CORO2B: variants seen among roughly 807,000 people sequenced by gnomAD.
CORO2B encodes coronin-2B.
CORO2B carries 26 observed loss-of-function variants against 58.8 expected under a neutral mutation model. That is an observed-to-expected ratio of 0.44 (90% CI 0.32 to 0.61). CORO2B has a LOEUF of 0.61. CORO2B is among the 20% of genes least tolerant of loss of function. CORO2B has a pLI of 0.04. For synonymous variants in CORO2B, 242 were observed against 253.8 expected (o/e 0.95, Z 0.44); for missense variants, 460 against 645.1 (o/e 0.71, Z 3.11).
At chr15:68,563,939 GA>G in the CORO2B span, among the ~76,000 whole-genome samples, 1 of 152,282 alleles carries the variant, frequency 6.6e-6, no homozygotes, top group African/African-American at 2.4e-5. Context: ...AACATTTAAA[GA>G]AGAATCAAAA....
chr15:68,645,921 G>T lies in CORO2B; in HGVS notation c.216+561G>T, dbSNP rs28378879. Among the ~76,000 whole-genome samples the T allele has an allele frequency of 1.3e-5, 2 of 151,848 alleles. No homozygotes were observed. The highest frequency in any genetic ancestry group is 6.6e-5 in the Admixed American group (1 of 15,256). On this transcript the variant is annotated intron_variant, in intron 2 of 11. Transcript: ENST00000261861. The surrounding 1 kb of genome is among the most constrained non-coding windows in gnomAD (Gnocchi z 4.5). Reference sequence around the variant, plus strand: ...CCCGAGAAGCTGGGATTGCAGGCACGTGCCACCACGCCCAGCTAATTTTTG... The same window carrying T: ...CCCGAGAAGCTGGGATTGCAGGCACTTGCCACCACGCCCAGCTAATTTTTG...
chr15:68,535,227 A>G, the CORO2B span, among the ~76,000 whole-genome samples: 1 of 152,208 alleles, frequency 6.6e-6, no homozygotes, highest in Non-Finnish European at 1.5e-5. Flanking sequence ...CCAAAGGTAG[A>G]GGCCTAATAA....
intron 2 of CORO2B, among the ~76,000 whole-genome samples, chr15:68,664,374 A>G (rs8039274): frequency 0.96 from 146,269 of 152,246 alleles, 70,524 homozygotes; most frequent in East Asian, 1. Flanking sequence ...TTGGCGGGGC[A>G]TGGTGGCTCA....
At chr15:68,664,663 C>A (rs1440975784) in intron 2 of CORO2B, among the ~76,000 whole-genome samples, 1 of 151,888 alleles carries the variant, frequency 6.6e-6, no homozygotes, top group Non-Finnish European at 1.5e-5. Flanking sequence ...AAACCAAAAA[C>A]CAAAAAACAA....
chr15:68,689,832 G>A (rs1892315396), intron 2 of CORO2B, among the ~76,000 whole-genome samples: 1 of 152,232 alleles, frequency 6.6e-6, no homozygotes, highest in Admixed American at 6.5e-5. Context: ...AATGTGCAGA[G>A]GTCAGAAGGT....
intron 1 of CORO2B, among the ~76,000 whole-genome samples, chr15:68,613,700 A>T (rs1435029729): frequency 2.6e-5 from 4 of 152,238 alleles, no homozygotes; most frequent in Admixed American, 2.6e-4. Context: ...AAATTAGCAC[A>T]TCGCTAAGAG....
chr15:68,521,048 CA>C, the CORO2B span, among the ~76,000 whole-genome samples: 55 of 141,600 alleles, frequency 3.9e-4, no homozygotes, highest in Admixed American at 4.9e-4. Context: ...GGCTCCATCT[CA>C]AAAAAAAAAA....
intron 2 of CORO2B, among the ~76,000 whole-genome samples, chr15:68,680,165 C>T (rs368031454): frequency 5.9e-5 from 9 of 152,208 alleles, no homozygotes; most frequent in African/African-American, 1.9e-4. Context: ...CCATGTGACT[C>T]ACTCCCACTT....
chr15:68,706,754 C>T (rs1419383616), intron 3 of CORO2B, among the ~76,000 whole-genome samples: 1 of 152,018 alleles, frequency 6.6e-6, no homozygotes, highest in Non-Finnish European at 1.5e-5. Context: ...CTGTCACCCA[C>T]ACTAAAGTGT....
the CORO2B span, among the ~76,000 whole-genome samples, chr15:68,572,243 AG>A: frequency 1.3e-5 from 2 of 152,228 alleles, no homozygotes; most frequent in Non-Finnish European, 2.9e-5. Context: ...GAGTGCAGGA[AG>A]TCCAGGATGG....
chr15:68,605,146 G>T (rs990314996), intron 1 of CORO2B, among the ~76,000 whole-genome samples: 4 of 151,076 alleles, frequency 2.6e-5, no homozygotes, highest in African/African-American at 7.3e-5. Context: ...GTTTTGAAAA[G>T]AAAAACTTCA....
chr15:68,560,950 T>G, the CORO2B span, among the ~76,000 whole-genome samples: 1 of 152,064 alleles, frequency 6.6e-6, no homozygotes, highest in Admixed American at 6.5e-5. Flanking sequence ...ACAGCCCGGG[T>G]AATTTTCCCT....
rs1307923003 is a variant in CORO2B, at chr15:68,715,406, CT to C, written c.967+96del. ...CCCCTCCCTTAAGTGGAAAATCAGA[CT>C]CAGAAGGCCATAGCACATGGGCAAG... On this transcript the variant is annotated intron_variant, in intron 8 of 11. Transcript: ENST00000261861. 3 of 867,252 alleles carry C rather than the reference CT, an allele frequency of 3.5e-6. No individual in the cohort carries two copies. The African/African-American group carries it at 5.1e-5, about 15-fold the overall frequency. The allele number at this position is 867,252 out of a possible 1,614,324, so 53.7% of individuals were successfully genotyped here. A position where few individuals can be genotyped will look rare whatever the true frequency, so the allele number is the denominator to read the frequency against.
chr15:68,649,543 T>C (rs1212708368), intron 2 of CORO2B, among the ~76,000 whole-genome samples: 2 of 152,202 alleles, frequency 1.3e-5, no homozygotes, highest in Admixed American at 6.5e-5. Flanking sequence ...CAGCGTTCAG[T>C]CTCAGGATCA....
the CORO2B span, among the ~76,000 whole-genome samples, chr15:68,556,478 C>T: frequency 1.3e-5 from 2 of 152,186 alleles, no homozygotes; most frequent in Non-Finnish European, 2.9e-5. Flanking sequence ...AAGACTGCCA[C>T]ACTCGCAAGG....
chr15:68,524,942 A>G, the CORO2B span, among the ~76,000 whole-genome samples: 1 of 152,254 alleles, frequency 6.6e-6, no homozygotes, highest in East Asian at 1.9e-4. Context: ...TTAAAAAGGA[A>G]CAGAGAATAA....
chr15:68,595,988 C>T (rs1040515524), intron 1 of CORO2B, among the ~76,000 whole-genome samples: 1 of 151,002 alleles, frequency 6.6e-6, no homozygotes, highest in Non-Finnish European at 1.5e-5. Context: ...TCCCGAGCCA[C>T]GAGGGTGCCC....
intron 2 of CORO2B, among the ~76,000 whole-genome samples, chr15:68,651,776 A>G (rs1254775285): frequency 1.3e-5 from 2 of 152,130 alleles, no homozygotes; most frequent in Non-Finnish European, 1.5e-5. Flanking sequence ...AGGATCCCCA[A>G]ATCCCTGCCC....
chr15:68,550,041 G>C, the CORO2B span, among the ~76,000 whole-genome samples: 1 of 152,082 alleles, frequency 6.6e-6, no homozygotes, highest in Non-Finnish European at 1.5e-5. Context: ...CAAGTTCTTT[G>C]CTTCCTGCTT....
Sources: allele counts gnomAD v4.1 joint callset (sites outside exome capture counted in the v4.1 genomes callset), GRCh38; gene constraint gnomAD v4.1.1; non-coding constraint Gnocchi (gnomAD v3.1); transcripts MANE v1.5; gene names NCBI Gene and HGNC (gene_info 2026-07-23, HGNC 2026-07-21).